Variants in SDS observed in about 807,000 individuals in gnomAD.
SDS encodes serine dehydratase.
Under a neutral mutation model 29.3 loss-of-function variants are expected in SDS, and 19 were observed. The observed-to-expected ratio is 0.65, with a 90% CI of 0.45 to 0.95. The LOEUF is 0.95. Ranked by LOEUF, SDS falls within the 40% of genes least tolerant of loss-of-function variation. The pLI is 0.00. For missense variants in SDS, 375 were observed against 439.9 expected (o/e 0.85, Z 1.32); for synonymous variants, 176 against 189.0 (o/e 0.93, Z 0.56).
At chr12:113,403,213 AC>A (rs1418938789) in intron 1 of SDS, among the ~76,000 whole-genome samples, 1 of 151,980 alleles carries the variant, frequency 6.6e-6, no homozygotes, top group Admixed American at 6.6e-5. Flanking sequence ...TGCAGACTCG[AC>A]CTCTTGGGCT....
Position 113,398,671 on chromosome 12 carries a change from C to T in SDS, c.333+36G>A, listed in dbSNP as rs138126176. 1.3e-3 allele frequency: 2,078 copies of T among 1,608,214 alleles called. 21 individuals carry two copies. The African/African-American group carries it at 0.024, about 19-fold the overall frequency. On this transcript the variant is annotated intron_variant, in intron 4 of 7. Transcript: ENST00000257549. The stretch of plus-strand genomic sequence containing the variant: ...GGGGGCACCCTGTCCAGCCACCAGG[C>T]GCCCTCTCTCTTCCTTGCCCTGGGT...
At chr12:113,396,447 TTCTC>T (rs780423297) in intron 6 of SDS, among the ~76,000 whole-genome samples, 5 of 149,776 alleles carry the variant, frequency 3.3e-5, no homozygotes, top group South Asian at 2.1e-4. Flanking sequence ...TTCTTTTTCT[TTCTC>T]TCTTTCTCTT....
chr12:113,403,566 A>G lies in SDS; in HGVS notation c.-3+202T>C, dbSNP rs140794036. ...TTTTGTAGAGATTGGGGGGGGTCTC[A>G]CTCTGTTGCCCAGCTCAGTCTTGAA... On this transcript the variant is annotated intron_variant, in intron 1 of 7. Coordinates refer to ENST00000257549, the MANE Select transcript of SDS (RefSeq NM_006843.3). Among the ~76,000 whole-genome samples, 987 of 151,516 alleles carry G rather than the reference A, an allele frequency of 6.5e-3. 13 individuals are homozygous for G. Among genetic ancestry groups the G allele is most frequent in the African/African-American group, 0.022 (916 of 41,244 alleles).
At chr12:113,396,502 C>G (rs1183632207) in intron 6 of SDS, 2 of 34,820 alleles carry the variant, frequency 5.7e-5, no homozygotes, top group South Asian at 1.9e-3. Flanking sequence ...TTTCCTCTTC[C>G]TTTCTCCTTC....
At chr12:113,396,964 A>G in intron 6 of SDS, 1 of 595,446 alleles carries the variant, frequency 1.7e-6, no homozygotes, top group Admixed American at 2.9e-5. Flanking sequence ...CACGTGAGGA[A>G]GTGTGACATG....
At chr12:113,398,873 G>T (rs1424919691) in intron 3 of SDS, 27 bp from the exon 4 acceptor site, 2 of 1,578,426 alleles carry the variant, frequency 1.3e-6, no homozygotes, top group African/African-American at 1.3e-5. Flanking sequence ...TGGAGAGCGT[G>T]TCAGTGCGGG....
At chr12:113,397,793 T>A (rs1407076147) in intron 5 of SDS, among the ~76,000 whole-genome samples, 1 of 151,934 alleles carries the variant, frequency 6.6e-6, no homozygotes, top group Non-Finnish European at 1.5e-5. Flanking sequence ...TTGGACTGGA[T>A]GATAGAAAAA....
rs1343536702 is a variant in SDS, at chr12:113,393,033, C to A, written c.895G>T (p.Val299Leu). 1.2e-6 allele frequency: 2 copies of A among 1,614,218 alleles called. No homozygotes were observed. Among genetic ancestry groups the A allele is most frequent in the East Asian group, 2.2e-5 (1 of 44,878 alleles). Residue 299 changes from valine to leucine, a missense_variant, in exon 8 of 8, where the codon GTG becomes TTG. Val to Leu is a conservative substitution (Grantham distance 32, BLOSUM62 1). Transcript: ENST00000257549. ...GNLRTPLPSL[V>L]VIVCGGSNIS... ...TTGCTGCCCCCGCAGACGATGACCACGAGGGATGGCAGCGGGGTTCGGAGA... is the reference window on the plus strand; with the variant it reads ...TTGCTGCCCCCGCAGACGATGACCAAGAGGGATGGCAGCGGGGTTCGGAGA...
intron 7 of SDS, among the ~76,000 whole-genome samples, chr12:113,393,550 A>G (rs572881857): frequency 3.3e-5 from 5 of 151,866 alleles, no homozygotes; most frequent in Admixed American, 3.3e-4. Context: ...CTAGTTACAG[A>G]CTCACCTCTG....
chr12:113,400,089 C>T (rs922207422), intron 1 of SDS, among the ~76,000 whole-genome samples: 2 of 152,128 alleles, frequency 1.3e-5, no homozygotes, highest in African/African-American at 2.4e-5. Context: ...GTCAGAAGTT[C>T]GAGACCAGCC....
chr12:113,397,700 C>T (rs1232149072), intron 5 of SDS, among the ~76,000 whole-genome samples: 2 of 152,218 alleles, frequency 1.3e-5, no homozygotes, highest in Non-Finnish European at 2.9e-5. Context: ...GCGCCTTCTG[C>T]ACTGGCTCCC....
At chr12:113,401,769 C>A (rs1411301185) in intron 1 of SDS, among the ~76,000 whole-genome samples, 1 of 152,090 alleles carries the variant, frequency 6.6e-6, no homozygotes, top group Non-Finnish European at 1.5e-5. Context: ...CTAGCCACAG[C>A]CACGTCCACC....
chr12:113,399,313 G>T (rs950623578), intron 2 of SDS, 162 bp from the exon 3 acceptor site: 3 of 891,924 alleles, frequency 3.4e-6, no homozygotes, highest in African/African-American at 3.3e-5. Flanking sequence ...CATCTCCAAA[G>T]AGACTGGCTC....
chr12:113,394,620 A>C (rs1027507277), intron 6 of SDS, among the ~76,000 whole-genome samples: 4 of 152,044 alleles, frequency 2.6e-5, no homozygotes, highest in African/African-American at 9.7e-5. Context: ...GATTACAGGC[A>C]TGAGCCACCA....
chr12:113,396,581 C>CCTTCCTTT (rs1957648113), intron 6 of SDS: 3 of 101,152 alleles, frequency 3.0e-5, no homozygotes, highest in Non-Finnish European at 5.5e-5. Context: ...TTCCTTCCTT[C>CCTTCCTTT]CTTCCTTCCT....
In SDS at chr12:113,399,462, A is replaced by G; in HGVS notation, c.153+94T>C. ...TGCGGGGAGTCAGTAGGCTTATCCT[A>G]CAACGCCTTTAATTTCACACAGCAC... On this transcript the variant is annotated intron_variant, in intron 2 of 7. Transcript: ENST00000257549. 2.9e-6 allele frequency: 4 copies of G among 1,364,192 alleles called. No homozygotes were observed. The South Asian group carries it at 4.6e-5, about 16-fold the overall frequency. 84.5% of individuals were successfully genotyped at this position (1,364,192 alleles called of 1,614,324 possible). A position where few individuals can be genotyped will look rare whatever the true frequency, so the allele number is the denominator to read the frequency against.
chr12:113,396,485 CT>C lies in SDS; in HGVS notation c.653+679del, dbSNP rs1957645668. Among the ~76,000 whole-genome samples, 5 of 10,288 alleles carry C rather than the reference CT, an allele frequency of 4.9e-4. 1 individual carries two copies. In the South Asian group the frequency reaches 0.014, roughly 29 times the overall value. 6.7% of individuals were successfully genotyped at this position (10,288 alleles called of 152,430 possible). On this transcript the variant is annotated intron_variant, in intron 6 of 7. Transcript: ENST00000257549. ...TTTCTCCTTTTTTCTTTCTTTCTCT[CT>C]CTTTCTTTCCTCTTCCTTTCTCCTT...
intron 7 of SDS, 71 bp from the exon 8 acceptor site, chr12:113,393,220 G>A: frequency 1.4e-6 from 2 of 1,423,950 alleles, no homozygotes; most frequent in Non-Finnish European, 2.0e-6. Context: ...ACAGGCCATT[G>A]GCAGGACCTG....
In SDS at chr12:113,399,593, G is replaced by T; in HGVS notation, c.116C>A (p.Ser39Tyr). 1 of 1,602,758 alleles carries T rather than the reference G, an allele frequency of 6.2e-7. No homozygotes were observed. The highest frequency in any genetic ancestry group is 2.2e-5 in the East Asian group (1 of 44,584). Residue 39 changes from serine (S) to tyrosine (Y), a missense_variant, in exon 2 of 8, where the codon TCC becomes TAC. Ser to Tyr is a moderately radical substitution (Grantham distance 144). Transcript: ENST00000257549. Reference protein sequence around the residue: ...LKMDSAQPSGSFKIRGIGHFC... With the variant: ...LKMDSAQPSGYFKIRGIGHFC... ...GTGCCCAATGCCCCGGATCTTGAAG[G>T]AGCCGGAGGGCTGGGCACTGTCCAT...
Sources: gnomAD v4.1 joint callset for allele counts (sites outside exome capture counted in the v4.1 genomes callset) on GRCh38, gnomAD v4.1.1 for gene constraint, MANE v1.5 for transcripts, NCBI Gene and HGNC (gene_info 2026-07-23, HGNC 2026-07-21) for gene names.